The following SPAG16 variants were observed in gnomAD, a reference collection of about 807,000 sequenced individuals.
The protein encoded by SPAG16 is sperm-associated antigen 16 protein.
SPAG16 carries 86 observed loss-of-function variants against 80.4 expected under a neutral mutation model. That is an observed-to-expected ratio of 1.07 (90% CI 0.90 to 1.28). The LOEUF (loss-of-function observed/expected upper bound fraction) is 1.28. Among genes scored for constraint, SPAG16 ranks in the 50% most tolerant of loss-of-function variants. SPAG16 has a pLI of 0.00. For missense variants in SPAG16, 870 were observed against 765.3 expected, an observed-to-expected ratio of 1.14 and a Z score of -1.61; for synonymous variants, 294 against 265.9, an observed-to-expected ratio of 1.11 and a Z score of -1.03.
At chr2:213,468,953 A>G (rs910236287) in intron 9 of SPAG16, among the ~76,000 whole-genome samples, 9 of 151,892 alleles carry the variant, frequency 5.9e-5, no homozygotes, top group East Asian at 1.9e-4. Flanking sequence ...TCTTTTCACA[A>G]TTTTCTGTCT....
intron 15 of SPAG16, among the ~76,000 whole-genome samples, chr2:214,331,151 C>G (rs554513731): frequency 6.6e-6 from 1 of 152,322 alleles, no homozygotes; most frequent in African/African-American, 2.4e-5. Flanking sequence ...ATGCCCTTTT[C>G]AGGCTACAGT....
intron 10 of SPAG16, among the ~76,000 whole-genome samples, chr2:213,800,906 T>C (rs1182609731): frequency 6.6e-6 from 1 of 152,180 alleles, no homozygotes; most frequent in Non-Finnish European, 1.5e-5. Context: ...GAAAAGATTT[T>C]AGTCAAATCA....
intron 10 of SPAG16, among the ~76,000 whole-genome samples, chr2:213,617,327 G>A (rs1157284869): frequency 6.6e-6 from 1 of 152,106 alleles, no homozygotes; most frequent in Non-Finnish European, 1.5e-5. Flanking sequence ...CACTTTGGGA[G>A]GCCGAAGTGG....
intron 5 of SPAG16, among the ~76,000 whole-genome samples, chr2:213,328,908 T>A (rs1440266238): frequency 6.6e-6 from 1 of 152,128 alleles, no homozygotes; most frequent in Admixed American, 6.6e-5. Flanking sequence ...TGGGGGCAGG[T>A]CTTTCCAATG....
chr2:213,686,140 A>G (rs1046234322), intron 10 of SPAG16, among the ~76,000 whole-genome samples: 3 of 152,154 alleles, frequency 2.0e-5, no homozygotes, highest in African/African-American at 4.8e-5. Context: ...ATTTATTGAG[A>G]TGGAGTCTTG....
intron 12 of SPAG16, among the ~76,000 whole-genome samples, chr2:213,966,849 A>T (rs1392666360): frequency 1.3e-5 from 2 of 152,138 alleles, no homozygotes; most frequent in Non-Finnish European, 2.9e-5. Flanking sequence ...ACAGTATGTG[A>T]TCTACTCCAG....
intron 10 of SPAG16, among the ~76,000 whole-genome samples, chr2:213,686,284 A>G (rs1362396102): frequency 6.6e-6 from 1 of 152,060 alleles, no homozygotes. Context: ...ATGCCCAGCT[A>G]ATTTTTGTAT....
chr2:213,855,784 T>A (rs948097802), intron 10 of SPAG16, among the ~76,000 whole-genome samples: 1 of 152,110 alleles, frequency 6.6e-6, no homozygotes, highest in Non-Finnish European at 1.5e-5. Context: ...CAGAACAACA[T>A]GGGGGAAACC....
At chr2:214,074,703 G>A (rs1032637519) in intron 13 of SPAG16, among the ~76,000 whole-genome samples, 2 of 151,918 alleles carry the variant, frequency 1.3e-5, no homozygotes, top group African/African-American at 4.8e-5. Context: ...TAAAAAGACA[G>A]TTTTCAATTA....
At chr2:214,386,935 T>C (rs1700793813) in intron 15 of SPAG16, among the ~76,000 whole-genome samples, 2 of 151,760 alleles carry the variant, frequency 1.3e-5, no homozygotes, top group South Asian at 4.1e-4. Flanking sequence ...TTGCGTAACT[T>C]TTCTATCTCA....
intron 15 of SPAG16, among the ~76,000 whole-genome samples, chr2:214,300,795 A>G (rs1014829844): frequency 6.6e-6 from 1 of 151,998 alleles, no homozygotes; most frequent in Non-Finnish European, 1.5e-5. Flanking sequence ...AGAAAGGCCC[A>G]GGAGCGGATG....
At chr2:213,284,672 G>T in intron 1 of SPAG16, 53 bp downstream of exon 1, 1 of 1,559,238 alleles carries the variant, frequency 6.4e-7, no homozygotes. Context: ...ATGGGTGTTG[G>T]GACGAAGGCG....
chr2:213,860,460 CAGATA>C (rs2075396135), intron 10 of SPAG16, among the ~76,000 whole-genome samples: 3 of 131,598 alleles, frequency 2.3e-5, no homozygotes, highest in Non-Finnish European at 4.8e-5. Flanking sequence ...TATATATATA[CAGATA>C]TATCTATCTA....
chr2:213,827,568 C>A (rs533824508), intron 10 of SPAG16, among the ~76,000 whole-genome samples: 5 of 152,108 alleles, frequency 3.3e-5, no homozygotes, highest in Admixed American at 2.0e-4. Flanking sequence ...ACCACAATTA[C>A]AATGTGATAA....
At chr2:213,405,793 G>C (rs976278872) in intron 9 of SPAG16, among the ~76,000 whole-genome samples, 6 of 152,112 alleles carry the variant, frequency 3.9e-5, no homozygotes, top group Non-Finnish European at 7.4e-5. Flanking sequence ...CCCTGTTGCT[G>C]CTAATAACAG....
At chr2:214,405,771 T>G (rs1559277245) in intron 15 of SPAG16, among the ~76,000 whole-genome samples, 2 of 152,150 alleles carry the variant, frequency 1.3e-5, no homozygotes, top group Non-Finnish European at 2.9e-5. Context: ...CACTCAAGCC[T>G]GGGCAATAAG....
At chr2:214,118,289 C>G (rs937677495) in intron 14 of SPAG16, among the ~76,000 whole-genome samples, 59 of 152,056 alleles carry the variant, frequency 3.9e-4, no homozygotes, top group Non-Finnish European at 1.0e-4. Flanking sequence ...CATGAAATGT[C>G]TCTGCAATGA....
intron 10 of SPAG16, among the ~76,000 whole-genome samples, chr2:213,665,248 G>C (rs1394454421): frequency 6.6e-6 from 1 of 152,030 alleles, no homozygotes; most frequent in African/African-American, 2.4e-5. Context: ...TCCAACTGAA[G>C]CTAAATTGTG....
chr2:214,030,067 G>T (rs2048334054), intron 13 of SPAG16, among the ~76,000 whole-genome samples: 2 of 152,092 alleles, frequency 1.3e-5, no homozygotes, highest in South Asian at 4.1e-4. Flanking sequence ...CTCTTGTACA[G>T]CAGAGCTCTA....
Sources: allele counts gnomAD v4.1 joint callset (sites outside exome capture counted in the v4.1 genomes callset), GRCh38; gene constraint gnomAD v4.1.1; transcripts MANE v1.5; gene names NCBI Gene and HGNC (gene_info 2026-07-23, HGNC 2026-07-21).